The following ANO4 variants were observed in gnomAD, a reference collection of about 807,000 sequenced individuals.
The protein encoded by ANO4 is anoctamin 4.
In ANO4, 69 loss-of-function variants were observed where a neutral mutation model predicts 141.9. The observed-to-expected ratio is 0.49, with a 90% CI of 0.40 to 0.59. The LOEUF (loss-of-function observed/expected upper bound fraction) is 0.59, where lower values mean the gene tolerates loss of function less well. ANO4 is among the 20% of genes least tolerant of loss of function. ANO4 has a pLI of 0.00. For synonymous variants in ANO4, 350 were observed against 394.3 expected, an observed-to-expected ratio of 0.89 and a Z score of 1.33; for missense variants, 894 against 1,162.2, an observed-to-expected ratio of 0.77 and a Z score of 3.36.
At chr12:100,973,815 G>A (rs1325578726) in intron 6 of ANO4, among the ~76,000 whole-genome samples, 1 of 152,202 alleles carries the variant, frequency 6.6e-6, no homozygotes, top group Non-Finnish European at 1.5e-5. Flanking sequence ...ATCATGCAGA[G>A]TAGCTGCACT....
chr12:100,923,840 T>G (rs1296126325), intron 3 of ANO4, among the ~76,000 whole-genome samples: 3 of 152,168 alleles, frequency 2.0e-5, no homozygotes, highest in African/African-American at 7.2e-5. Context: ...TAACTTGTGT[T>G]AGATGGTATC....
At chr12:101,109,308 A>G (rs1165222749) in intron 22 of ANO4, among the ~76,000 whole-genome samples, 4 of 152,160 alleles carry the variant, frequency 2.6e-5, no homozygotes, top group African/African-American at 7.2e-5. Context: ...CACACTTGTA[A>G]TCCCAGCATT....
At chr12:100,865,674 AC>A (rs1645097735) in intron 1 of ANO4, among the ~76,000 whole-genome samples, 1 of 152,166 alleles carries the variant, frequency 6.6e-6, no homozygotes, top group Admixed American at 6.5e-5. Context: ...ATTTTATTTT[AC>A]CCTGTTGATG....
At chr12:101,074,592 G>A (rs2136824097) in intron 14 of ANO4, among the ~76,000 whole-genome samples, 1 of 152,254 alleles carries the variant, frequency 6.6e-6, no homozygotes, top group African/African-American at 2.4e-5. Flanking sequence ...GAATCTTAGA[G>A]GACAGTCAGT....
intron 5 of ANO4, among the ~76,000 whole-genome samples, chr12:100,954,024 C>T (rs1189597786): frequency 6.6e-6 from 1 of 152,132 alleles, no homozygotes; most frequent in African/African-American, 2.4e-5. Context: ...TTGCAAACAC[C>T]TCCCTAACTT....
chr12:100,871,444 C>T (rs893209017), intron 1 of ANO4, among the ~76,000 whole-genome samples: 2 of 152,192 alleles, frequency 1.3e-5, no homozygotes, highest in African/African-American at 4.8e-5. Context: ...TAAAGGCAAT[C>T]AGCTGTTCTT....
intron 6 of ANO4, 46 bp from the exon 7 acceptor site, chr12:100,974,799 C>T (rs376727483): frequency 3.7e-5 from 60 of 1,600,826 alleles, no homozygotes; most frequent in Non-Finnish European, 4.5e-5. Flanking sequence ...CTGTAACTGA[C>T]GATGGGTTTT....
intron 12 of ANO4, among the ~76,000 whole-genome samples, chr12:101,043,034 C>A (rs528897092): frequency 6.6e-6 from 1 of 152,274 alleles, no homozygotes; most frequent in South Asian, 2.1e-4. Flanking sequence ...AGTGATTAAG[C>A]CTTCCACCTA....
intron 8 of ANO4, among the ~76,000 whole-genome samples, chr12:100,989,128 C>T (rs915827014): frequency 6.6e-6 from 1 of 152,124 alleles, no homozygotes; most frequent in African/African-American, 2.4e-5. Context: ...AGCTGATCCC[C>T]ACAGGTCAGA....
intron 1 of ANO4, among the ~76,000 whole-genome samples, chr12:100,724,591 A>C (rs1341930036): frequency 1.3e-5 from 2 of 152,228 alleles, no homozygotes; most frequent in African/African-American, 4.8e-5. Flanking sequence ...ATCTGTTTGC[A>C]TAGGAAAAGC....
rs200430976 is a variant in ANO4 at position 101,104,662 on chromosome 12, TATATATATAA to T, written c.2149+4946_2149+4955del. ...ATATATATATATATATATATATATATATATATATAAATAAAAAGATTTACCTTATGCTCCT... is the reference window on the plus strand; with the variant it reads ...ATATATATATATATATATATATATATATAAAAAGATTTACCTTATGCTCCT... On this transcript the variant is annotated intron_variant, in intron 22 of 27. Coordinates refer to ENST00000392977, the MANE Select transcript of ANO4 (RefSeq NM_001286615.2). Among the ~76,000 whole-genome samples, 391 of 61,340 alleles carry T rather than the reference TATATATATAA, an allele frequency of 6.4e-3. 3 individuals carry two copies. Among genetic ancestry groups the T allele is most frequent in the African/African-American group, 0.038 (313 of 8,262 alleles). The allele number at this position is 61,340 out of a possible 152,430, so 40.2% of individuals were successfully genotyped here.
At chr12:100,884,745 AGTGCAGTG>A (rs1221370234) in intron 1 of ANO4, among the ~76,000 whole-genome samples, 1 of 152,116 alleles carries the variant, frequency 6.6e-6, no homozygotes, top group Non-Finnish European at 1.5e-5. Flanking sequence ...CCCAGGCTGG[AGTGCAGTG>A]GTGCGATCTC....
chr12:101,012,614 A>G (rs1047042995), intron 8 of ANO4, among the ~76,000 whole-genome samples: 3 of 152,200 alleles, frequency 2.0e-5, no homozygotes, highest in African/African-American at 7.2e-5. Context: ...GGTCATTGGT[A>G]TGGGCAGGAA....
chr12:101,033,467 T>C (rs2047065808), intron 9 of ANO4, among the ~76,000 whole-genome samples: 1 of 151,714 alleles, frequency 6.6e-6, no homozygotes, highest in Non-Finnish European at 1.5e-5. Flanking sequence ...TAAAGTATAA[T>C]AATAATAATA....
At chr12:100,817,027 G>T (rs1292291226) in intron 1 of ANO4, among the ~76,000 whole-genome samples, 1 of 151,750 alleles carries the variant, frequency 6.6e-6, no homozygotes, top group African/African-American at 2.4e-5. Context: ...AATGACTTAG[G>T]AACAGTTTTC....
intron 3 of ANO4, among the ~76,000 whole-genome samples, chr12:100,760,571 A>G (rs190819581): frequency 1.3e-5 from 2 of 152,324 alleles, no homozygotes; most frequent in East Asian, 3.9e-4. Context: ...TTCCTGTTTT[A>G]AAATTCTATG....
chr12:101,026,403 T>C (rs933264357), intron 9 of ANO4, among the ~76,000 whole-genome samples: 7 of 152,192 alleles, frequency 4.6e-5, no homozygotes, highest in African/African-American at 1.7e-4. Flanking sequence ...TGGAGACATA[T>C]ACTATGTTTA....
chr12:100,900,042 A>G (rs2040517011), intron 1 of ANO4, among the ~76,000 whole-genome samples: 1 of 151,632 alleles, frequency 6.6e-6, no homozygotes. Context: ...CACATGTACT[A>G]TCTAATGTAA....
At chr12:100,886,743 G>A (rs1247223958) in intron 1 of ANO4, among the ~76,000 whole-genome samples, 2 of 152,150 alleles carry the variant, frequency 1.3e-5, no homozygotes, top group African/African-American at 4.8e-5. Flanking sequence ...TGGGTCTACA[G>A]TAGCAGAGTT....
Sources: allele counts gnomAD v4.1 joint callset (sites outside exome capture counted in the v4.1 genomes callset), GRCh38; gene constraint gnomAD v4.1.1; transcripts MANE v1.5; gene names NCBI Gene and HGNC (gene_info 2026-07-23, HGNC 2026-07-21).